The following ACSS1 variants were observed in gnomAD, a reference collection of about 807,000 sequenced individuals.
ACSS1 encodes the protein acyl-CoA synthetase short chain family member 1.
Under a neutral mutation model 75.3 loss-of-function variants are expected in ACSS1, and 42 were observed. That is an observed-to-expected ratio of 0.56 (90% CI 0.44 to 0.72). The LOEUF (loss-of-function observed/expected upper bound fraction) is 0.72, where lower values mean the gene tolerates loss of function less well. ACSS1 is among the 30% of genes least tolerant of loss of function. The pLI is 0.00. For missense variants in ACSS1, 782 were observed against 935.7 expected, an observed-to-expected ratio of 0.84 and a Z score of 2.14; for synonymous variants, 380 against 376.8, an observed-to-expected ratio of 1.01 and a Z score of -0.10.
intron 5 of ACSS1, among the ~76,000 whole-genome samples, chr20:25,022,618 G>A (rs150614670): frequency 2.0e-5 from 3 of 152,322 alleles, no homozygotes; most frequent in Non-Finnish European, 4.4e-5. Flanking sequence ...ATTAAGCCAT[G>A]CATTTAATTT....
At chr20:25,007,986 C>A in intron 13 of ACSS1, 45 bp from the exon 14 acceptor site, 1 of 1,601,106 alleles carries the variant, frequency 6.2e-7, no homozygotes, top group South Asian at 1.1e-5. Flanking sequence ...TGGTGCCCAG[C>A]CTCTGTGCTA....
rs1010986143 is a variant in ACSS1, at chr20:25,057,995, C to T, written c.108G>A (p.Arg36=). Reference sequence around the variant, plus strand: ...CGCTGCCCGAGGGTCCCGAGGCCGCCCTGCGCGGCGCGCTCACCCCGCACG... The same window carrying T: ...CGCTGCCCGAGGGTCCCGAGGCCGCTCTGCGCGGCGCGCTCACCCCGCACG... ...RPPCGVSAPR[R]AASGPSGSAP... The change falls in exon 1 of 14, where the codon AGG becomes AGA. Residue 36 remains arginine (R), a synonymous_variant. Transcript: ENST00000323482. 3 of 1,507,902 alleles carry T rather than the reference C, an allele frequency of 2.0e-6. No homozygotes were observed. The highest frequency in any genetic ancestry group is 2.9e-5 in the African/African-American group (2 of 69,572). The allele number at this position is 1,507,902 out of a possible 1,614,324, so 93.4% of individuals were successfully genotyped here. A position where few individuals can be genotyped will look rare whatever the true frequency, so the allele number is the denominator to read the frequency against.
Position 25,032,359 on chromosome 20 carries a change from G to A in ACSS1, c.432-1401C>T, listed in dbSNP as rs76948865. ...GGAAAACTGGGAGCAGGCGAGAGCC[G>A]CCAACTTGCCGGCCATGCGGTGCGA... On this transcript the variant is annotated intron_variant, in intron 2 of 13. Coordinates refer to ENST00000323482, the MANE Select transcript of ACSS1 (RefSeq NM_032501.4). The A allele has an allele frequency of 3.5e-3, 4,665 of 1,347,184 alleles. 131 individuals carry two copies. In the African/African-American group the frequency reaches 0.056, roughly 16 times the overall value. 83.5% of individuals were successfully genotyped at this position (1,347,184 alleles called of 1,614,324 possible).
intron 3 of ACSS1, among the ~76,000 whole-genome samples, chr20:25,028,692 C>A (rs368945725): frequency 6.6e-6 from 1 of 152,164 alleles, no homozygotes; most frequent in African/African-American, 2.4e-5. Flanking sequence ...GAGGCCGAGG[C>A]GGGCGGATCA....
At chr20:25,047,454 C>T (rs1006478188) in intron 2 of ACSS1, among the ~76,000 whole-genome samples, 1 of 152,216 alleles carries the variant, frequency 6.6e-6, no homozygotes, top group African/African-American at 2.4e-5. Flanking sequence ...TGGGGATTGT[C>T]TGTTACTGCA....
Position 25,007,626 on chromosome 20 carries a change from A to G in ACSS1, c.*136T>C. 1 of 1,502,652 alleles carries G rather than the reference A, an allele frequency of 6.7e-7. No individual in the cohort carries two copies. The highest frequency in any genetic ancestry group is 2.3e-5 in the East Asian group (1 of 43,892). 93.1% of individuals were successfully genotyped at this position (1,502,652 alleles called of 1,614,324 possible). Reference sequence around the variant, plus strand: ...AGGGCTCTCAGCCCAGCTTCACGTGAGGGCGGTGTGGGTCATGTGTGGGGT... The same window carrying G: ...AGGGCTCTCAGCCCAGCTTCACGTGGGGGCGGTGTGGGTCATGTGTGGGGT... On this transcript the variant is annotated 3_prime_UTR_variant, in exon 14 of 14. Transcript: ENST00000323482.
At position 25,030,965 on chromosome 20, in the gene ACSS1, C is replaced by T; in HGVS notation, c.432-7G>A. The T allele has an allele frequency of 1.2e-6, 2 of 1,613,474 alleles. No individual in the cohort carries two copies. Among genetic ancestry groups the T allele is most frequent in the Non-Finnish European group, 1.7e-6 (2 of 1,179,698 alleles). On this transcript the variant is annotated splice_region_variant and splice_polypyrimidine_tract_variant and intron_variant, in intron 2 of 13. Transcript: ENST00000323482. ...CGTGGTCTCCAGTAGTTCCCTGCAG[C>T]ACAGGGAAGAGAAAGCCATCAGAGA...
chr20:25,023,618 A>T lies in ACSS1; in HGVS notation c.655T>A (p.Phe219Ile), dbSNP rs1243444364. The T allele has an allele frequency of 5.0e-6, 8 of 1,610,210 alleles. No homozygotes were observed. Among genetic ancestry groups the T allele is most frequent in the Non-Finnish European group, 6.8e-6 (8 of 1,178,060 alleles). Residue 219 changes from phenylalanine to isoleucine, a missense_variant, in exon 4 of 14, where the codon TTC becomes ATC. This residue lies in a region of ACSS1 where 377 missense variants were observed against 383.1 expected (regional missense o/e 0.98). Transcript: ENST00000323482. ...NDAKCKVVITFNQGLRGGRVV... is the reference protein window; with the variant it reads ...NDAKCKVVITINQGLRGGRVV... ...CGCCCACCCCGGAGTCCTTGGTTGA[A>T]GGTGATAACCACCTTGCACTTGGCT...
chr20:25,030,728 G>C, intron 3 of ACSS1, 31 bp downstream of exon 3: 7 of 1,611,594 alleles, frequency 4.3e-6, no homozygotes, highest in Non-Finnish European at 5.9e-6. Context: ...GGAACTCCAG[G>C]GTTCCTCCCT....
intron 1 of ACSS1, among the ~76,000 whole-genome samples, chr20:25,055,374 C>G (rs918941281): frequency 1.3e-5 from 2 of 152,170 alleles, no homozygotes; most frequent in African/African-American, 4.8e-5. Context: ...AGAAATCAAC[C>G]CGAGTCATGA....
chr20:25,037,005 A>AAGGAAGGAAGGAAGTAAGG (rs1555853780), intron 2 of ACSS1, among the ~76,000 whole-genome samples: 1 of 131,850 alleles, frequency 7.6e-6, no homozygotes, highest in African/African-American at 3.0e-5. Context: ...AAGAAGAAAG[A>AAGGAAGGAAGGAAGTAAGG]AAGGAAGGAA....
chr20:25,044,893 C>G (rs6083728), intron 2 of ACSS1, among the ~76,000 whole-genome samples: 27,562 of 152,168 alleles, frequency 0.18, 3,359 homozygotes, highest in African/African-American at 0.34. Flanking sequence ...GATGGGTGCA[C>G]ACGTCCCAGG....
intron 6 of ACSS1, among the ~76,000 whole-genome samples, chr20:25,020,666 G>T (rs78997825): frequency 0.035 from 5,407 of 152,324 alleles, 157 homozygotes; most frequent in African/African-American, 0.077. Context: ...TGAAGTGGTG[G>T]CCTGAGACAG....
intron 12 of ACSS1, chr20:25,010,237 C>G (rs1179978593): frequency 6.6e-6 from 1 of 152,610 alleles, no homozygotes; most frequent in Non-Finnish European, 1.5e-5. Context: ...CCCATTCTTC[C>G]CTGGCATGTA....
intron 2 of ACSS1, among the ~76,000 whole-genome samples, chr20:25,035,154 C>T (rs1279091405): frequency 3.9e-5 from 6 of 151,986 alleles, no homozygotes; most frequent in South Asian, 4.1e-4. Flanking sequence ...CTTGGCCTCC[C>T]GAAGTGCTGG....
At chr20:25,026,601 C>T (rs1206007600) in intron 3 of ACSS1, among the ~76,000 whole-genome samples, 3 of 152,216 alleles carry the variant, frequency 2.0e-5, no homozygotes, top group Non-Finnish European at 4.4e-5. Context: ...CCCCTGTCCC[C>T]ATCTGATTCC....
chr20:25,031,388 C>T (rs375685247), intron 2 of ACSS1, among the ~76,000 whole-genome samples: 3 of 152,320 alleles, frequency 2.0e-5, no homozygotes, highest in African/African-American at 7.2e-5. Context: ...CTTGCAACAA[C>T]AGAATGTCCA....
intron 10 of ACSS1, 116 bp from the exon 11 acceptor site, chr20:25,013,055 C>A: frequency 6.7e-7 from 1 of 1,485,840 alleles, no homozygotes; most frequent in East Asian, 2.3e-5. Context: ...GCCCATCGGC[C>A]CTCCTTGCAA....
intron 7 of ACSS1, among the ~76,000 whole-genome samples, chr20:25,015,770 GT>G (rs1436233160): frequency 2.0e-5 from 3 of 152,216 alleles, no homozygotes; most frequent in Non-Finnish European, 2.9e-5. Flanking sequence ...CAGTAAGAAT[GT>G]GGGGAAAACA....
Sources: gnomAD v4.1 joint callset for allele counts (sites outside exome capture counted in the v4.1 genomes callset) on GRCh38, gnomAD v4.1.1 for gene constraint, gnomAD v4.1.1 regional missense constraint, MANE v1.5 for transcripts, NCBI Gene and HGNC (gene_info 2026-07-23, HGNC 2026-07-21) for gene names.